The following GALNT17 variants were observed in gnomAD, a reference collection of about 807,000 sequenced individuals.
The protein encoded by GALNT17 is UDP-GalNAc:polypeptide N-acetylgalactosaminyltransferase-like 3.
In GALNT17, 29 loss-of-function variants were observed where a neutral mutation model predicts 63.7. The observed-to-expected ratio is 0.46, with a 90% confidence interval of 0.34 to 0.62. GALNT17 has a LOEUF of 0.62. Among genes scored for constraint, GALNT17 ranks in the 20% least tolerant of loss-of-function variants. The probability of loss-of-function intolerance (pLI) is 0.01; values close to 1 mark genes in which losing one functional copy is unlikely to be tolerated. For synonymous variants in GALNT17, 305 were observed against 318.3 expected (o/e 0.96, Z 0.45); for missense variants, 603 against 799.6 (o/e 0.75, Z 2.97).
chr7:71,695,525 A>G (rs1791526876), intron 9 of GALNT17, among the ~76,000 whole-genome samples: 1 of 152,160 alleles, frequency 6.6e-6, no homozygotes, highest in East Asian at 1.9e-4. Flanking sequence ...AATCAACTAT[A>G]TGGAAGCGTA....
At chr7:71,481,689 G>A (rs1787820706) in intron 5 of GALNT17, among the ~76,000 whole-genome samples, 1 of 152,062 alleles carries the variant, frequency 6.6e-6, no homozygotes, top group African/African-American at 2.4e-5. Flanking sequence ...AACTCCACCT[G>A]CCCCTGGAGC....
intron 1 of GALNT17, among the ~76,000 whole-genome samples, chr7:71,296,835 A>T (rs887198963): frequency 6.6e-6 from 1 of 152,224 alleles, no homozygotes; most frequent in South Asian, 2.1e-4. Context: ...TACACACACC[A>T]CACATACACT....
intron 5 of GALNT17, among the ~76,000 whole-genome samples, chr7:71,513,431 G>A (rs572136511): frequency 1.6e-4 from 25 of 152,014 alleles, no homozygotes; most frequent in African/African-American, 6.0e-4. Context: ...TGTCGCCCAG[G>A]CTGGAGTGCA....
intron 1 of GALNT17, among the ~76,000 whole-genome samples, chr7:71,281,082 A>T (rs560381396): frequency 6.6e-6 from 1 of 152,232 alleles, no homozygotes; most frequent in Admixed American, 6.5e-5. Context: ...GGGACCAGCT[A>T]TTGGGAATGC....
Position 71,457,256 on chromosome 7 carries a change from T to C in GALNT17, c.962+36151T>C, listed in dbSNP as rs1348569457. On this transcript the variant is annotated intron_variant, in intron 5 of 10. Coordinates refer to ENST00000333538, the MANE Select transcript of GALNT17 (RefSeq NM_022479.3). ...TTGTGGGCAAATTGCAGGGGAGATA[T>C]GCACCTCTTTTGTCTTTTAAGCTAT... 3.9e-5 allele frequency among the ~76,000 whole-genome samples: 6 copies of C among 152,306 alleles called. No homozygotes were observed. In the South Asian group the frequency reaches 1.2e-3, roughly 32 times the overall value.
At chr7:71,318,223 C>T (rs1791534969) in intron 1 of GALNT17, among the ~76,000 whole-genome samples, 1 of 152,104 alleles carries the variant, frequency 6.6e-6, no homozygotes, top group Admixed American at 6.5e-5. Flanking sequence ...TTCAATCAGG[C>T]AGTGGGACCT....
At chr7:71,544,495 A>G (rs1432614661) in intron 5 of GALNT17, among the ~76,000 whole-genome samples, 1 of 152,122 alleles carries the variant, frequency 6.6e-6, no homozygotes, top group Non-Finnish European at 1.5e-5. Context: ...AATAGGGGTT[A>G]GTTCTGAGAA....
intron 9 of GALNT17, among the ~76,000 whole-genome samples, chr7:71,700,188 G>T (rs1791609907): frequency 6.6e-6 from 1 of 151,864 alleles, no homozygotes; most frequent in Admixed American, 6.6e-5. Context: ...CACACCTGTA[G>T]TCCCAGATAC....
intron 6 of GALNT17, among the ~76,000 whole-genome samples, chr7:71,650,079 A>G (rs1790733480): frequency 1.3e-5 from 2 of 152,200 alleles, no homozygotes; most frequent in African/African-American, 4.8e-5. Flanking sequence ...TCCTAGCCCC[A>G]AACTCTAGAC....
At position 71,440,663 on chromosome 7, in the gene GALNT17, C is replaced by T. The variant is rs150665106; in HGVS notation, c.962+19558C>T. On this transcript the variant is annotated intron_variant, in intron 5 of 10. Transcript: ENST00000333538. ...TGCTGGGATTACAGGTGTGAGCCAC[C>T]GCGCCTGGCCAGTTCAGAACTGTTT... Among the ~76,000 whole-genome samples the T allele has an allele frequency of 8.1e-3, 1,237 of 152,278 alleles. 14 individuals carry two copies. Among genetic ancestry groups the T allele is most frequent in the Non-Finnish European group, 0.012 (834 of 68,034 alleles).
At chr7:71,640,244 C>A (rs1471836468) in intron 6 of GALNT17, among the ~76,000 whole-genome samples, 2 of 152,136 alleles carry the variant, frequency 1.3e-5, no homozygotes, top group Non-Finnish European at 2.9e-5. Context: ...TCAAGCACCT[C>A]TTTGGTTCGA....
At chr7:71,630,947 C>T (rs551014353) in intron 6 of GALNT17, among the ~76,000 whole-genome samples, 10 of 152,292 alleles carry the variant, frequency 6.6e-5, no homozygotes, top group African/African-American at 2.2e-4. Context: ...TACTTCAATT[C>T]GTTTATTCAT....
Position 71,398,981 on chromosome 7 carries a change from C to A in GALNT17, c.589+10580C>A, listed in dbSNP as rs149177814. Among the ~76,000 whole-genome samples the A allele has an allele frequency of 1.4e-3, 207 of 152,232 alleles. 1 individual carries two copies. The highest frequency in any genetic ancestry group is 4.6e-3 in the African/African-American group (190 of 41,524). On this transcript the variant is annotated intron_variant, in intron 3 of 10. Coordinates refer to ENST00000333538, the MANE Select transcript of GALNT17 (RefSeq NM_022479.3). Reference sequence around the variant, plus strand: ...GACGTGGTGGCTCACGCCTGTAATCCCAGCACTTTGGGAGGCTGAGGTGGG... The same window carrying A: ...GACGTGGTGGCTCACGCCTGTAATCACAGCACTTTGGGAGGCTGAGGTGGG...
chr7:71,246,115 G>GTTTTTTTTTT (rs61447370), intron 1 of GALNT17, among the ~76,000 whole-genome samples: 2 of 92,004 alleles, frequency 2.2e-5, no homozygotes, highest in Non-Finnish European at 4.3e-5. Context: ...TTTTTTCGTT[G>GTTTTTTTTTT]TTTTTTTTTT....
intron 9 of GALNT17, among the ~76,000 whole-genome samples, chr7:71,699,815 C>A (rs1375048455): frequency 6.6e-6 from 1 of 151,580 alleles, no homozygotes; most frequent in African/African-American, 2.4e-5. Context: ...CACCTGTAGT[C>A]CCAGCTACTT....
At chr7:71,668,964 G>A (rs1408125598) in intron 7 of GALNT17, among the ~76,000 whole-genome samples, 1 of 152,182 alleles carries the variant, frequency 6.6e-6, no homozygotes, top group Non-Finnish European at 1.5e-5. Flanking sequence ...AAAGACAGGA[G>A]GTGGTTGTAG....
At chr7:71,575,453 G>A (rs1382383561) in intron 6 of GALNT17, among the ~76,000 whole-genome samples, 2 of 150,666 alleles carry the variant, frequency 1.3e-5, no homozygotes, top group Non-Finnish European at 2.9e-5. Context: ...GCAGTGACGC[G>A]ATCTTGGCTC....
intron 1 of GALNT17, among the ~76,000 whole-genome samples, chr7:71,180,928 T>G (rs1193966322): frequency 6.6e-6 from 1 of 152,022 alleles, no homozygotes; most frequent in African/African-American, 2.4e-5. Context: ...AAATATTAGG[T>G]TGGTGCACAA....
intron 2 of GALNT17, among the ~76,000 whole-genome samples, chr7:71,345,863 A>G (rs899398281): frequency 1.3e-5 from 2 of 151,754 alleles, no homozygotes; most frequent in Non-Finnish European, 2.9e-5. Flanking sequence ...GTCGGTTTTT[A>G]TATAGGGTGA....
Sources: allele counts gnomAD v4.1 joint callset (sites outside exome capture counted in the v4.1 genomes callset), GRCh38; gene constraint gnomAD v4.1.1; transcripts MANE v1.5; gene names NCBI Gene and HGNC (gene_info 2026-07-23, HGNC 2026-07-21).